The following CSMD1 variants were observed in gnomAD, a reference collection of about 807,000 sequenced individuals.
CSMD1 encodes the protein CUB and Sushi multiple domains 1, also known as CUB and sushi domain-containing protein 1.
In CSMD1, 213 loss-of-function variants were observed where a neutral mutation model predicts 417.5. The observed-to-expected ratio is 0.51, with a 90% confidence interval of 0.46 to 0.57. The LOEUF is 0.57. CSMD1 is among the 20% of genes least tolerant of loss of function. The pLI is 0.00. For missense variants in CSMD1, 6,923 were observed against 4,529.7 expected (o/e 1.53, Z -15.17); for synonymous variants, 2,862 against 1,736.8 (o/e 1.65, Z -16.11).
intron 1 of CSMD1, among the ~76,000 whole-genome samples, chr8:4,690,429 A>G (rs1276569424): frequency 1.3e-5 from 2 of 152,244 alleles, no homozygotes; most frequent in Non-Finnish European, 2.9e-5. Context: ...CAGCCAAAAA[A>G]GAAGAAAGTT....
intron 1 of CSMD1, among the ~76,000 whole-genome samples, chr8:4,976,850 C>G (rs1010686040): frequency 1.3e-5 from 2 of 151,990 alleles, no homozygotes; most frequent in East Asian, 1.9e-4. Flanking sequence ...CACTTTGGGG[C>G]AACTGTGCTT....
At chr8:3,065,484 AAGAT>A (rs1812880938) in intron 49 of CSMD1, among the ~76,000 whole-genome samples, 1 of 152,136 alleles carries the variant, frequency 6.6e-6, no homozygotes, top group Non-Finnish European at 1.5e-5. Flanking sequence ...AGACAATAGG[AAGAT>A]AGATATATAT....
intron 3 of CSMD1, among the ~76,000 whole-genome samples, chr8:4,162,249 C>G (rs909098088): frequency 7.2e-5 from 11 of 152,160 alleles, no homozygotes; most frequent in African/African-American, 2.4e-4. Context: ...AAGAAACATT[C>G]TGCAATAAAA....
At chr8:4,958,394 A>G (rs1213527365) in intron 1 of CSMD1, among the ~76,000 whole-genome samples, 2 of 152,210 alleles carry the variant, frequency 1.3e-5, no homozygotes, top group African/African-American at 4.8e-5. Flanking sequence ...TTTTTAAGCA[A>G]TTGACATTTC....
intron 3 of CSMD1, among the ~76,000 whole-genome samples, chr8:4,173,953 A>G (rs1347277063): frequency 1.3e-5 from 2 of 152,108 alleles, no homozygotes; most frequent in Non-Finnish European, 2.9e-5. Context: ...CCTTGAAACA[A>G]AAACAAAAAA....
At chr8:3,802,528 T>C (rs1800515269) in intron 5 of CSMD1, among the ~76,000 whole-genome samples, 1 of 152,136 alleles carries the variant, frequency 6.6e-6, no homozygotes, top group East Asian at 1.9e-4. Flanking sequence ...CAGTGGGAAA[T>C]ACATTTAGCA....
chr8:4,448,489 G>C (rs1798947065), intron 2 of CSMD1, among the ~76,000 whole-genome samples: 1 of 152,162 alleles, frequency 6.6e-6, no homozygotes, highest in South Asian at 2.1e-4. Flanking sequence ...ACAGCAGAAA[G>C]GAAGCTCAGT....
chr8:3,068,728 T>A (rs1368116653), intron 49 of CSMD1, among the ~76,000 whole-genome samples: 1 of 152,040 alleles, frequency 6.6e-6, no homozygotes, highest in Non-Finnish European at 1.5e-5. Flanking sequence ...CCACACACTT[T>A]TAACTGAACA....
chr8:3,225,688 G>A (rs1798463399), intron 27 of CSMD1, among the ~76,000 whole-genome samples: 1 of 152,168 alleles, frequency 6.6e-6, no homozygotes, highest in African/African-American at 2.4e-5. Flanking sequence ...AAGAAACAAA[G>A]GGGAAACCCT....
At chr8:3,679,126 C>G (rs566508649) in intron 7 of CSMD1, among the ~76,000 whole-genome samples, 1 of 152,220 alleles carries the variant, frequency 6.6e-6, no homozygotes, top group Non-Finnish European at 1.5e-5. Flanking sequence ...ACTGTATCAA[C>G]TAATGAGCAC....
At chr8:3,997,655 G>C (rs1002034525) in intron 5 of CSMD1, among the ~76,000 whole-genome samples, 5 of 152,116 alleles carry the variant, frequency 3.3e-5, no homozygotes, top group African/African-American at 9.7e-5. Flanking sequence ...GTCCAAAAAT[G>C]ACAGCACTAC....
At chr8:3,894,342 TA>T (rs1807204321) in intron 5 of CSMD1, among the ~76,000 whole-genome samples, 1 of 152,194 alleles carries the variant, frequency 6.6e-6, no homozygotes, top group African/African-American at 2.4e-5. Context: ...GGATTTTTTC[TA>T]TCACGAGGAT....
rs112891724 is a variant in CSMD1, at chr8:4,361,376, T to C, written c.415+58577A>G. ...TCTGTGATTTTTAATTGATTTAATG[T>C]AGCCTCATGAAGGGCTAACTGTGTC... On this transcript the variant is annotated intron_variant, in intron 3 of 69. Transcript: ENST00000635120. Among the ~76,000 whole-genome samples, 919 of 134,632 alleles carry C rather than the reference T, an allele frequency of 6.8e-3. 13 individuals carry two copies. Among genetic ancestry groups the C allele is most frequent in the African/African-American group, 0.028 (860 of 30,728 alleles). The allele number at this position is 134,632 out of a possible 152,430, so 88.3% of individuals were successfully genotyped here. A position where few individuals can be genotyped will look rare whatever the true frequency, so the allele number is the denominator to read the frequency against.
rs1025063783 is a variant in CSMD1, at chr8:4,307,539, T to C, written c.415+112414A>G. 2.0e-5 allele frequency among the ~76,000 whole-genome samples: 3 copies of C among 152,176 alleles called. No homozygotes were observed. The South Asian group carries it at 6.2e-4, about 31-fold the overall frequency. On this transcript the variant is annotated intron_variant, in intron 3 of 69. Transcript: ENST00000635120. ...AACCATGCCTGGTCTGTTCAAGTAA[T>C]AGCATATTTTAAAATGTTGCCTCTG...
chr8:3,941,992 C>G (rs1168884408), intron 5 of CSMD1, among the ~76,000 whole-genome samples: 3 of 152,070 alleles, frequency 2.0e-5, no homozygotes, highest in South Asian at 2.1e-4. Context: ...ACCACCTGCA[C>G]TCTCCTCCTG....
intron 16 of CSMD1, among the ~76,000 whole-genome samples, chr8:3,397,321 T>A (rs965806577): frequency 6.6e-6 from 1 of 152,056 alleles, no homozygotes; most frequent in Non-Finnish European, 1.5e-5. Context: ...GGGAGAAAAC[T>A]TGGGAGAGGG....
intron 1 of CSMD1, among the ~76,000 whole-genome samples, chr8:4,805,777 T>A (rs1387508325): frequency 6.6e-6 from 1 of 152,166 alleles, no homozygotes; most frequent in Non-Finnish European, 1.5e-5. Context: ...TACAGGATGA[T>A]TCAGGGTGAA....
chr8:3,714,903 A>C (rs1263389367), intron 6 of CSMD1, among the ~76,000 whole-genome samples: 1 of 152,186 alleles, frequency 6.6e-6, no homozygotes, highest in Non-Finnish European at 1.5e-5. Flanking sequence ...ACACACCTGG[A>C]GAAATCTCAA....
chr8:4,533,595 G>T (rs1244780568), intron 2 of CSMD1, among the ~76,000 whole-genome samples: 1 of 151,952 alleles, frequency 6.6e-6, no homozygotes, highest in African/African-American at 2.4e-5. Flanking sequence ...TCCGAGAAGA[G>T]GATGTTAAAC....
Sources: allele counts gnomAD v4.1 joint callset (sites outside exome capture counted in the v4.1 genomes callset), GRCh38; gene constraint gnomAD v4.1.1; transcripts MANE v1.5; gene names NCBI Gene and HGNC (gene_info 2026-07-23, HGNC 2026-07-21).